Variants in SERPINA9 observed in about 807,000 individuals in gnomAD.
SERPINA9 encodes the protein serpin family A member 9.
Under a neutral mutation model 24.5 loss-of-function variants are expected in SERPINA9, and 32 were observed. The observed-to-expected ratio is 1.30, with a 90% CI of 0.98 to 1.75. The LOEUF (loss-of-function observed/expected upper bound fraction) is 1.75. Among genes scored for constraint, SERPINA9 ranks in the 40% most tolerant of loss-of-function variants. SERPINA9 has a pLI of 0.00. For missense variants in SERPINA9, 594 were observed against 497.1 expected (o/e 1.19, Z -1.85); for synonymous variants, 233 against 197.7 (o/e 1.18, Z -1.50).
chr14:94,469,523 T>A lies in SERPINA9; in HGVS notation c.318A>T (p.Pro106=). 1.2e-6 allele frequency: 2 copies of A among 1,614,148 alleles called. No homozygotes were observed. Among genetic ancestry groups the A allele is most frequent in the Non-Finnish European group, 1.7e-6 (2 of 1,180,014 alleles). The change falls in exon 2 of 5, where the codon CCA becomes CCT. Residue 106 remains proline, a synonymous_variant. Transcript: ENST00000674397. ...QGLGFNLTHT[P]ESAIHQGFQH... is the part of the protein sequence containing the mutation. ...GGAAGCCCTGGTGGATGGCAGACTC[T>A]GGTGTGTGTGTGAGGTTGAAGCCCA... is the stretch of plus-strand genomic sequence containing the variant.
At chr14:94,468,284 G>A (rs1899115956) in intron 2 of SERPINA9, among the ~76,000 whole-genome samples, 1 of 152,108 alleles carries the variant, frequency 6.6e-6, no homozygotes, top group Non-Finnish European at 1.5e-5. Flanking sequence ...ATACGTTAAT[G>A]GATAGATGGC....
At position 94,464,850 on chromosome 14, in the gene SERPINA9, T is replaced by C. The variant is rs1898924896; in HGVS notation, c.907A>G (p.Ile303Val). 6.2e-7 allele frequency: 1 copy of C among 1,613,120 alleles called. No individual in the cohort carries two copies. The highest frequency in any genetic ancestry group is 1.1e-5 in the South Asian group (1 of 90,884). Residue 303 changes from isoleucine (I) to valine (V), a missense_variant, in exon 4 of 5, where the codon ATA (isoleucine) becomes GTA (valine). Transcript: ENST00000674397. ...GAAAATCTGGGGATGAACACCTCTA[T>C]CCACCTGTGGAGTAGGGAAAAGGAA... ...KWSHSLQKRW[I>V]EVFIPRFSIS...
chr14:94,467,750 A>G (rs962160487), intron 2 of SERPINA9, among the ~76,000 whole-genome samples: 3 of 151,930 alleles, frequency 2.0e-5, no homozygotes, highest in Non-Finnish European at 4.4e-5. Flanking sequence ...GGGTGGATGG[A>G]TAGATGAATA....
intron 1 of SERPINA9, among the ~76,000 whole-genome samples, chr14:94,475,646 C>T (rs1223137628): frequency 2.6e-5 from 4 of 152,162 alleles, no homozygotes; most frequent in African/African-American, 9.7e-5. Context: ...AGGTCCAGTC[C>T]CCCTTCCTGG....
chr14:94,467,320 C>CTGT lies in SERPINA9; in HGVS notation c.690_691insACA (p.Gly230_Glu231insThr). 1 of 1,613,976 alleles carries CTGT rather than the reference C, an allele frequency of 6.2e-7. No homozygotes were observed. On this transcript the variant is annotated inframe_insertion, in exon 3 of 5. Coordinates refer to ENST00000674397, the MANE Select transcript of SERPINA9 (RefSeq NM_175739.4). ...ATGGGGACATGCACAGTGACCTGCT[C>CTGT]GCCCACCAGGAATGGGAAGTTCTTT...
chr14:94,474,932 G>C, intron 1 of SERPINA9, among the ~76,000 whole-genome samples: 1 of 151,998 alleles, frequency 6.6e-6, no homozygotes, highest in East Asian at 1.9e-4. Context: ...TCCCCATTGA[G>C]CTCAGAAAAA....
At chr14:94,464,527 A>C in intron 4 of SERPINA9, 180 bp downstream of exon 4, 1 of 594,648 alleles carries the variant, frequency 1.7e-6, no homozygotes, top group Non-Finnish European at 2.9e-6. Flanking sequence ...GAGGGATAAC[A>C]GATGCTGCAT....
At chr14:94,470,502 G>C (rs529535838) in intron 1 of SERPINA9, among the ~76,000 whole-genome samples, 60 of 152,310 alleles carry the variant, frequency 3.9e-4, no homozygotes, top group African/African-American at 1.3e-3. Flanking sequence ...AGCTGACATG[G>C]CTTTGGCCCC....
chr14:94,465,573 G>A (rs1898965642), intron 3 of SERPINA9, among the ~76,000 whole-genome samples: 1 of 152,040 alleles, frequency 6.6e-6, no homozygotes, highest in Non-Finnish European at 1.5e-5. Context: ...TGTCGCTCAG[G>A]CTGGAGTGCA....
At chr14:94,463,848 A>G (rs938191540) in intron 4 of SERPINA9, among the ~76,000 whole-genome samples, 6 of 152,162 alleles carry the variant, frequency 3.9e-5, no homozygotes, top group African/African-American at 1.2e-4. Flanking sequence ...ATTATTTTTC[A>G]TAGGCTCACA....
At chr14:94,464,195 A>G (rs1595662381) in intron 4 of SERPINA9, 1 of 154,328 alleles carries the variant, frequency 6.5e-6, no homozygotes, top group Non-Finnish European at 1.4e-5. Context: ...GCCATGTGGG[A>G]ATTAGAGTTA....
intron 1 of SERPINA9, among the ~76,000 whole-genome samples, chr14:94,475,449 C>T (rs2139828199): frequency 6.6e-6 from 1 of 152,158 alleles, no homozygotes; most frequent in East Asian, 1.9e-4. Context: ...CACACACACA[C>T]ACACACACAC....
chr14:94,472,651 C>G (rs1899378277), intron 1 of SERPINA9, among the ~76,000 whole-genome samples: 1 of 152,164 alleles, frequency 6.6e-6, no homozygotes, highest in Non-Finnish European at 1.5e-5. Flanking sequence ...AAGGAGCCCA[C>G]TGGGAAGACA....
rs71129684 is a variant in SERPINA9, at chr14:94,464,270, C to CCTCTCTCTCT, written c.1050+427_1050+436dup. ...ATCTAATATACTATGCTTTAAAACT[C>CCTCTCTCTCT]CTCTCTCTCTCTCTCTCTCTCTCTC... On this transcript the variant is annotated intron_variant, in intron 4 of 4. Coordinates refer to ENST00000674397, the MANE Select transcript of SERPINA9 (RefSeq NM_175739.4). The CCTCTCTCTCT allele has an allele frequency of 6.6e-4, 36 of 54,420 alleles. 1 individual carries two copies. Among genetic ancestry groups the CCTCTCTCTCT allele is most frequent in the Admixed American group, 2.5e-3 (12 of 4,724 alleles). The allele number at this position is 54,420 out of a possible 1,614,324, so 3.4% of individuals were successfully genotyped here.
At chr14:94,465,729 G>A (rs750723717) in intron 3 of SERPINA9, among the ~76,000 whole-genome samples, 19 of 152,144 alleles carry the variant, frequency 1.2e-4, no homozygotes, top group Admixed American at 4.6e-4. Context: ...GGGTTTCACC[G>A]TGTTGCCCAG....
At chr14:94,464,631 C>T (rs78779060) in intron 4 of SERPINA9, 76 bp downstream of exon 4, 17,356 of 1,269,748 alleles carry the variant, frequency 0.014, 149 homozygotes, top group Non-Finnish European at 0.017. Context: ...TCCTTATCAA[C>T]GAAATAAGAG....
intron 1 of SERPINA9, among the ~76,000 whole-genome samples, chr14:94,475,279 G>A (rs548025398): frequency 3.9e-5 from 6 of 152,162 alleles, no homozygotes; most frequent in Non-Finnish European, 8.8e-5. Flanking sequence ...TATCCACCCG[G>A]CAACATGTAA....
At chr14:94,468,798 C>T (rs1000301804) in intron 2 of SERPINA9, among the ~76,000 whole-genome samples, 5 of 152,176 alleles carry the variant, frequency 3.3e-5, no homozygotes, top group Non-Finnish European at 7.3e-5. Context: ...ATTTCTACAC[C>T]TATGAAAGTG....
In SERPINA9 at chr14:94,469,595, G is replaced by C; in HGVS notation, c.246C>G (p.Leu82=). The change falls in exon 2 of 5, where the codon CTC becomes CTG. Residue 82 remains leucine, a synonymous_variant. Coordinates refer to ENST00000674397, the MANE Select transcript of SERPINA9 (RefSeq NM_175739.4). ...PVSVSTSLAM[L]SLGAHSVTKT... is the part of the protein sequence containing the mutation. ...TGGTGACTGAGTGGGCCCCAAGGGA[G>C]AGCATGGCCAGGGAAGTGGAGACAC... is the stretch of plus-strand genomic sequence containing the variant. 2 of 1,614,188 alleles carry C rather than the reference G, an allele frequency of 1.2e-6. No individual in the cohort carries two copies. Among genetic ancestry groups the C allele is most frequent in the Non-Finnish European group, 8.5e-7 (1 of 1,180,046 alleles).
Sources: allele counts gnomAD v4.1 joint callset (sites outside exome capture counted in the v4.1 genomes callset), GRCh38; gene constraint gnomAD v4.1.1; transcripts MANE v1.5; gene names NCBI Gene and HGNC (gene_info 2026-07-23, HGNC 2026-07-21).